The following ZFHX2 variants were observed in gnomAD, a reference collection of about 807,000 sequenced individuals.
ZFHX2 encodes the protein zinc finger homeobox 2.
Under a neutral mutation model 164.8 loss-of-function variants are expected in ZFHX2, and 75 were observed. The observed-to-expected ratio is 0.46, with a 90% CI of 0.38 to 0.55. The LOEUF (loss-of-function observed/expected upper bound fraction) is 0.55, where lower values mean the gene tolerates loss of function less well. Ranked by LOEUF, ZFHX2 falls within the 20% of genes least tolerant of loss-of-function variation. ZFHX2 has a pLI of 0.00. For synonymous variants in ZFHX2, 1,217 were observed against 1,351.4 expected, an observed-to-expected ratio of 0.90 and a Z score of 2.18; for missense variants, 2,933 against 3,308.0, an observed-to-expected ratio of 0.89 and a Z score of 2.78.
In ZFHX2 at chr14:23,522,800, GT is replaced by G; in HGVS notation, c.6880del (p.Thr2294LeufsTer40). 8 of 1,536,326 alleles carry G rather than the reference GT, an allele frequency of 5.2e-6. No homozygotes were observed. The highest frequency in any genetic ancestry group is 6.1e-6 in the Non-Finnish European group (7 of 1,146,846). On this transcript the variant is annotated frameshift_variant, in exon 10 of 10. Coordinates refer to ENST00000419474, the MANE Select transcript of ZFHX2 (RefSeq NM_033400.3). LOFTEE classifies it high-confidence loss of function. ...AGTAGGAGGGCCTGGGACAGGGTCA[GT>G]GGTGCCTGCTGTGGAGGTGTTGGTT... The part of the protein sequence containing the change: ...DQTNTSTAGT[T>X]DPVPGPPTEP...
intron 1 of ZFHX2, among the ~76,000 whole-genome samples, chr14:23,539,196 T>C (rs1318555469): frequency 6.6e-6 from 1 of 152,088 alleles, no homozygotes; most frequent in East Asian, 1.9e-4. Context: ...TGTGGAGAAA[T>C]AGAAGACATT....
In ZFHX2 at chr14:23,533,416, G is replaced by A; in HGVS notation, c.1910C>T (p.Pro637Leu). 1.3e-6 allele frequency: 2 copies of A among 1,509,640 alleles called. No individual in the cohort carries two copies. Among genetic ancestry groups the A allele is most frequent in the Non-Finnish European group, 1.8e-6 (2 of 1,131,008 alleles). 93.5% of individuals were successfully genotyped at this position (1,509,640 alleles called of 1,614,324 possible). Residue 637 changes from proline to leucine, a missense_variant, in exon 2 of 10, where the codon CCC (proline) becomes CTC (leucine). Coordinates refer to ENST00000419474, the MANE Select transcript of ZFHX2 (RefSeq NM_033400.3). This position sits in a 1 kb window ranked among gnomAD's most constrained non-coding sequence, Gnocchi z 4.8. ...SPPELFQYFG[P>L]QALGQPQTPL... Reference sequence around the variant, plus strand: ...AGTCTGAGGCTGCCCTAGGGCCTGGGGCCCAAAGTACTGGAAGAGTTCAGG... The same window carrying A: ...AGTCTGAGGCTGCCCTAGGGCCTGGAGCCCAAAGTACTGGAAGAGTTCAGG...
rs1192681706 is a variant in ZFHX2 at position 23,527,732 on chromosome 14, G to A, written c.3007C>T (p.His1003Tyr). 3 of 1,536,178 alleles carry A rather than the reference G, an allele frequency of 2.0e-6. No homozygotes were observed. Among genetic ancestry groups the A allele is most frequent in the Non-Finnish European group, 2.6e-6 (3 of 1,146,922 alleles). Residue 1003 changes from histidine to tyrosine, a missense_variant, in exon 7 of 10, where the codon CAT (histidine) becomes TAT (tyrosine). His to Tyr is a moderately conservative substitution (Grantham distance 83, BLOSUM62 2). Transcript: ENST00000419474. ...SQVRAHTLSQHAVQPKYRCPL... is the reference protein window; with the variant it reads ...SQVRAHTLSQYAVQPKYRCPL... ...CATCTGTACTTGGGCTGCACTGCAT[G>A]CTGGGAGAGTGTATGAGCCCTCACC... is the stretch of plus-strand genomic sequence containing the variant.
Position 23,521,805 on chromosome 14 carries a change from G to C in ZFHX2, c.*157C>G, listed in dbSNP as rs1308295428. On this transcript the variant is annotated 3_prime_UTR_variant, in exon 10 of 10. Coordinates refer to ENST00000419474, the MANE Select transcript of ZFHX2 (RefSeq NM_033400.3). Reference sequence around the variant, plus strand: ...AGGAGGCAGGACTCTGCTGGAAGTGGGGTGTGTGGTGCCCACTGAGGGTGG... The same window carrying C: ...AGGAGGCAGGACTCTGCTGGAAGTGCGGTGTGTGGTGCCCACTGAGGGTGG... 1 of 1,292,930 alleles carries C rather than the reference G, an allele frequency of 7.7e-7. No individual in the cohort carries two copies. Among genetic ancestry groups the C allele is most frequent in the African/African-American group, 1.5e-5 (1 of 66,894 alleles). 80.1% of individuals were successfully genotyped at this position (1,292,930 alleles called of 1,614,324 possible). A position where few individuals can be genotyped will look rare whatever the true frequency, so the allele number is the denominator to read the frequency against.
Position 23,546,547 on chromosome 14 carries a change from G to A in ZFHX2, c.-50+4796C>T, listed in dbSNP as rs1179508043. Among the ~76,000 whole-genome samples, 1 of 152,064 alleles carries A rather than the reference G, an allele frequency of 6.6e-6. No homozygotes were observed. The highest frequency in any genetic ancestry group is 1.5e-5 in the Non-Finnish European group (1 of 68,008). On this transcript the variant is annotated intron_variant, in intron 1 of 9. Coordinates refer to ENST00000419474, the MANE Select transcript of ZFHX2 (RefSeq NM_033400.3). The surrounding 1 kb of genome is among the most constrained non-coding windows in gnomAD (Gnocchi z 4.7). ...AGTTCCTACATGAGGAAGCCACTGA[G>A]AGCCCATGGGATTACCCTACGGGGC...
Position 23,530,186 on chromosome 14 carries a change from G to A in ZFHX2, c.2809C>T (p.Pro937Ser), listed in dbSNP as rs1190341425. Residue 937 changes from proline to serine, a missense_variant, in exon 5 of 10, where the codon CCT becomes TCT. Physicochemically the swap from Pro to Ser is moderately conservative, Grantham distance 74. Transcript: ENST00000419474. The stretch of plus-strand genomic sequence containing the variant: ...GGTGGCTCAGCTAAGGGGGTGACAG[G>A]AGCCTTCCCTGTGTAGGATGGGGGG... ...HGQLRTPGKA[P>S]VTPLAEPPTP... 2.0e-6 allele frequency: 3 copies of A among 1,535,234 alleles called. No individual in the cohort carries two copies. The African/African-American group carries it at 4.1e-5, about 21-fold the overall frequency.
upstream of ZFHX2, among the ~76,000 whole-genome samples, chr14:23,553,492 G>A (rs747269265): frequency 1.1e-4 from 16 of 151,958 alleles, no homozygotes; most frequent in Admixed American, 2.6e-4. Flanking sequence ...CCAGCTACTC[G>A]GGAGGCTGAG....
At chr14:23,544,616 G>C (rs1470127954) in intron 1 of ZFHX2, among the ~76,000 whole-genome samples, 1 of 152,198 alleles carries the variant, frequency 6.6e-6, no homozygotes, top group Non-Finnish European at 1.5e-5. Context: ...GTGTGTTGCT[G>C]TGAGCCCGTA....
Position 23,534,568 on chromosome 14 carries a change from A to G in ZFHX2, c.758T>C (p.Met253Thr). The G allele has an allele frequency of 6.5e-7, 1 of 1,536,146 alleles. No individual in the cohort carries two copies. The highest frequency in any genetic ancestry group is 8.7e-7 in the Non-Finnish European group (1 of 1,146,900). ...CACCCCATGAGACTGTGTGTGATCC[A>G]TAAAGGCCTGGGGCTTGCTGAAACC... ...RLGFSKPQAF[M>T]DHTQSHGVKL... Residue 253 changes from methionine to threonine, a missense_variant, in exon 2 of 10, where the codon ATG becomes ACG. Transcript: ENST00000419474. This position sits in a 1 kb window ranked among gnomAD's most constrained non-coding sequence, Gnocchi z 4.5.
At position 23,530,241 on chromosome 14, in the gene ZFHX2, G is replaced by A. The variant is rs985287050; in HGVS notation, c.2801-47C>T. Reference sequence around the variant, plus strand: ...TCAGCTTAAAGAGGTGTGGCATCAGGGAAGGGAGGACATAGGACAGAGGAA... The same window carrying A: ...TCAGCTTAAAGAGGTGTGGCATCAGAGAAGGGAGGACATAGGACAGAGGAA... On this transcript the variant is annotated intron_variant, in intron 4 of 9. Coordinates refer to ENST00000419474, the MANE Select transcript of ZFHX2 (RefSeq NM_033400.3). 6 of 1,387,578 alleles carry A rather than the reference G, an allele frequency of 4.3e-6. No individual in the cohort carries two copies. In the African/African-American group the frequency reaches 5.8e-5, roughly 13 times the overall value. 86.0% of individuals were successfully genotyped at this position (1,387,578 alleles called of 1,614,324 possible). A position where few individuals can be genotyped will look rare whatever the true frequency, so the allele number is the denominator to read the frequency against.
At chr14:23,543,437 G>A (rs1410719030) in intron 1 of ZFHX2, 2 of 152,360 alleles carry the variant, frequency 1.3e-5, no homozygotes, top group African/African-American at 4.8e-5. Flanking sequence ...TTTTGAATGA[G>A]GTCTTTTGAG....
In ZFHX2 at chr14:23,524,367, G is replaced by A. The variant is rs1341256478; in HGVS notation, c.5575C>T (p.Arg1859Cys). The A allele has an allele frequency of 5.9e-6, 9 of 1,536,124 alleles. No individual in the cohort carries two copies. Among genetic ancestry groups the A allele is most frequent in the African/African-American group, 2.7e-5 (2 of 73,060 alleles). Reference sequence around the variant, plus strand: ...TCAGGCAAGATGGTGGTGCGCAGGCGCTTGTCCCTGGGGGGCTCGCCCTCC... The same window carrying A: ...TCAGGCAAGATGGTGGTGCGCAGGCACTTGTCCCTGGGGGGCTCGCCCTCC... ...GGEGEPPRDK[R>C]LRTTILPEQL... The change falls in exon 9 of 10, where the codon CGC becomes TGC. Residue 1859 changes from arginine (R) to cysteine (C), a missense_variant. Transcript: ENST00000419474. The surrounding 1 kb of genome is among the most constrained non-coding windows in gnomAD (Gnocchi z 5.6).
upstream of ZFHX2, among the ~76,000 whole-genome samples, chr14:23,553,387 G>C (rs1187951249): frequency 1.4e-5 from 2 of 146,540 alleles, no homozygotes; most frequent in Non-Finnish European, 3.0e-5. Context: ...ATCACCTGAG[G>C]TCAGGAGTTC....
Position 23,551,498 on chromosome 14 carries a change from T to C in ZFHX2, c.-205A>G, listed in dbSNP as rs1358381049. ...TCCCTCCAGCGCTCGCTCCGGGGCG[T>C]CAGGGACGGAGACGGAAAAAAATAA... is the stretch of plus-strand genomic sequence containing the variant. On this transcript the variant is annotated 5_prime_UTR_variant, in exon 1 of 10. Coordinates refer to ENST00000419474, the MANE Select transcript of ZFHX2 (RefSeq NM_033400.3). This position sits in a 1 kb window ranked among gnomAD's most constrained non-coding sequence, Gnocchi z 5.3. 6.7e-6 allele frequency: 1 copy of C among 149,396 alleles called. No individual in the cohort carries two copies. Among genetic ancestry groups the C allele is most frequent in the African/African-American group, 2.5e-5 (1 of 39,562 alleles). 9.3% of individuals were successfully genotyped at this position (149,396 alleles called of 1,614,324 possible).
chr14:23,539,270 G>A (rs758342840), intron 1 of ZFHX2, among the ~76,000 whole-genome samples: 4 of 152,206 alleles, frequency 2.6e-5, no homozygotes, highest in Non-Finnish European at 4.4e-5. Flanking sequence ...TTCTCAGGAT[G>A]AGAAAGGAAG....
chr14:23,535,333 G>A lies in ZFHX2; in HGVS notation c.-8C>T, dbSNP rs1425596034. On this transcript the variant is annotated 5_prime_UTR_variant, in exon 2 of 10. Transcript: ENST00000419474. This position sits in a 1 kb window ranked among gnomAD's most constrained non-coding sequence, Gnocchi z 4.5. ...TGAGTTAAGGGTGGCCATGGTAGAC[G>A]GAGGAGTGCTGGGGGCTCATGTCAG... The A allele has an allele frequency of 2.1e-5, 31 of 1,450,802 alleles. No homozygotes were observed. In the South Asian group the frequency reaches 3.5e-4, roughly 16 times the overall value. The allele number at this position is 1,450,802 out of a possible 1,614,324, so 89.9% of individuals were successfully genotyped here.
At chr14:23,552,308 T>C (rs937822075), upstream of ZFHX2, among the ~76,000 whole-genome samples, 5 of 150,632 alleles carry the variant, frequency 3.3e-5, no homozygotes, top group East Asian at 9.7e-4. Context: ...TTTTTTTTTT[T>C]CTGGAGACGG....
rs1305803089 is a variant in ZFHX2 at position 23,532,687 on chromosome 14, A to G, written c.2439T>C (p.Tyr813=). The part of the protein sequence containing the change: ...SPASLGDGAP[Y]GSVSPLHLRC... ...GCAGGTGTAGTGGGGAGACAGACCC[A>G]TAAGGAGCCCCATCTCCCAGGGATG... Residue 813 remains tyrosine, a synonymous_variant, in exon 3 of 10, where the codon TAT becomes TAC. Transcript: ENST00000419474. 6.5e-7 allele frequency: 1 copy of G among 1,528,178 alleles called. No homozygotes were observed. The highest frequency in any genetic ancestry group is 8.8e-7 in the Non-Finnish European group (1 of 1,142,624). 94.7% of individuals were successfully genotyped at this position (1,528,178 alleles called of 1,614,324 possible).
At position 23,527,620 on chromosome 14, in the gene ZFHX2, T is replaced by G; in HGVS notation, c.3119A>C (p.Glu1040Ala). ...TGTACTCACTACAAGCAGCAGCTTC[T>G]CAACGCACTCGGGCACCACGTTGTG... ...HLHNVVPECV[E>A]KLLLVATTVE... is the part of the protein sequence containing the mutation. Residue 1040 changes from glutamate (E) to alanine (A), a missense_variant, in exon 7 of 10, where the codon GAG (glutamate) becomes GCG (alanine). Glu to Ala is a moderately radical substitution (Grantham distance 107). Transcript: ENST00000419474. 6.5e-7 allele frequency: 1 copy of G among 1,536,628 alleles called. No homozygotes were observed. Among genetic ancestry groups the G allele is most frequent in the East Asian group, 2.4e-5 (1 of 40,900 alleles).
Sources: gnomAD v4.1 joint callset for allele counts (sites outside exome capture counted in the v4.1 genomes callset) on GRCh38, gnomAD v4.1.1 for gene constraint, Gnocchi (gnomAD v3.1) non-coding constraint, MANE v1.5 for transcripts, NCBI Gene and HGNC (gene_info 2026-07-23, HGNC 2026-07-21) for gene names.